TYRO3: variants seen among roughly 807,000 people sequenced by gnomAD.
TYRO3 encodes the protein TYRO3 protein tyrosine kinase.
TYRO3 carries 38 observed loss-of-function variants against 95.2 expected under a neutral mutation model. The observed-to-expected ratio is 0.40, with a 90% CI of 0.31 to 0.52. TYRO3 has a LOEUF of 0.52. Among genes scored for constraint, TYRO3 ranks in the 20% least tolerant of loss-of-function variants. The pLI is 0.56. For synonymous variants in TYRO3, 367 were observed against 432.9 expected, an observed-to-expected ratio of 0.85 and a Z score of 1.89; for missense variants, 812 against 1,116.4, an observed-to-expected ratio of 0.73 and a Z score of 3.89.
At chr15:41,565,482 C>G (rs1486693216) in intron 6 of TYRO3, among the ~76,000 whole-genome samples, 1 of 151,690 alleles carries the variant, frequency 6.6e-6, no homozygotes, top group Non-Finnish European at 1.5e-5. Flanking sequence ...CATCTCGGCT[C>G]ACTGCAACCT....
chr15:41,573,617 G>C, intron 17 of TYRO3, 62 bp from the exon 18 acceptor site: 1 of 1,449,810 alleles, frequency 6.9e-7, no homozygotes, highest in Non-Finnish European at 9.4e-7. Flanking sequence ...CAGAGCCATG[G>C]CTCTCTGCCT....
chr15:41,574,140 C>T (rs1595505589), intron 18 of TYRO3, among the ~76,000 whole-genome samples: 2 of 152,280 alleles, frequency 1.3e-5, no homozygotes, highest in South Asian at 2.1e-4. Flanking sequence ...TCTTCCCACC[C>T]GTCATTCCTT....
At chr15:41,560,110 G>C in intron 1 of TYRO3, among the ~76,000 whole-genome samples, 1 of 152,226 alleles carries the variant, frequency 6.6e-6, no homozygotes, top group East Asian at 1.9e-4. Flanking sequence ...AGGGTGAAGG[G>C]AGCAGGGAAG....
At chr15:41,571,555 A>T (rs1412210345) in intron 13 of TYRO3, 40 bp from the exon 14 acceptor site, 1 of 1,405,806 alleles carries the variant, frequency 7.1e-7, no homozygotes, top group Admixed American at 1.7e-5. Flanking sequence ...CTAGGGGCAC[A>T]TCTTGTTTTA....
At position 41,569,297 on chromosome 15, in the gene TYRO3, T is replaced by TAA. The variant is rs35205912; in HGVS notation, c.1252+292_1252+293dup. Among the ~76,000 whole-genome samples, 169 of 138,560 alleles carry TAA rather than the reference T, an allele frequency of 1.2e-3. 4 individuals carry two copies. The South Asian group carries it at 0.016, about 13-fold the overall frequency. The allele number at this position is 138,560 out of a possible 152,430, so 90.9% of individuals were successfully genotyped here. Reference sequence around the variant, plus strand: ...CAAGACTCTGTCTCTACAAAAAAATTAAAAAAAAAAAAAAAAAACAATTAG... The same window carrying TAA: ...CAAGACTCTGTCTCTACAAAAAAATTAAAAAAAAAAAAAAAAAAAACAATTAG... On this transcript the variant is annotated intron_variant, in intron 9 of 18. Transcript: ENST00000263798.
chr15:41,571,751 G>C, intron 14 of TYRO3, 64 bp downstream of exon 14: 1 of 778,318 alleles, frequency 1.3e-6, no homozygotes, highest in Non-Finnish European at 2.2e-6. Context: ...ACCAATATGA[G>C]ATGGCAGCCT....
At chr15:41,559,663 C>T (rs1416652977) in intron 1 of TYRO3, among the ~76,000 whole-genome samples, 1 of 152,164 alleles carries the variant, frequency 6.6e-6, no homozygotes, top group Non-Finnish European at 1.5e-5. Flanking sequence ...TTTGGGACTG[C>T]ATTTTCCCGC....
chr15:41,575,138 G>A (rs1365155518), intron 18 of TYRO3, among the ~76,000 whole-genome samples: 1 of 152,228 alleles, frequency 6.6e-6, no homozygotes, highest in African/African-American at 2.4e-5. Context: ...ACAGGCACAG[G>A]AAGGCTCAGC....
intron 6 of TYRO3, among the ~76,000 whole-genome samples, chr15:41,565,752 G>C (rs1469649592): frequency 1.3e-5 from 2 of 151,868 alleles, no homozygotes; most frequent in Non-Finnish European, 2.9e-5. Context: ...TTAGGTGAAA[G>C]CTCAAACCTT....
Position 41,561,116 on chromosome 15 carries a change from C to T in TYRO3, c.125-11C>T, listed in dbSNP as rs958625107. 6.2e-7 allele frequency: 1 copy of T among 1,613,930 alleles called. No individual in the cohort carries two copies. Among genetic ancestry groups the T allele is most frequent in the Non-Finnish European group, 8.5e-7 (1 of 1,179,928 alleles). On this transcript the variant is annotated splice_polypyrimidine_tract_variant and intron_variant, in intron 1 of 18. Transcript: ENST00000263798. ...TCTCAAGGCTGACACATGTTCCTTC[C>T]CACCCCTCAGGTCTGAAGCTCATGG...
chr15:41,563,968 C>A (rs371548867), intron 4 of TYRO3, among the ~76,000 whole-genome samples: 8 of 152,196 alleles, frequency 5.3e-5, no homozygotes, highest in African/African-American at 1.9e-4. Flanking sequence ...CTGATTCTCA[C>A]AATTCTCCCA....
chr15:41,570,910 T>A, intron 12 of TYRO3, 128 bp from the exon 13 acceptor site: 1 of 1,083,896 alleles, frequency 9.2e-7, no homozygotes, highest in South Asian at 1.4e-5. Context: ...CTTTGGCTAC[T>A]GGCAAGGGTG....
At chr15:41,562,806 C>A (rs553174598) in intron 4 of TYRO3, 88 bp downstream of exon 4, 1 of 1,348,252 alleles carries the variant, frequency 7.4e-7, no homozygotes, top group Non-Finnish European at 1.0e-6. Flanking sequence ...ACTGAGCTTG[C>A]GGTTGTGAGC....
intron 9 of TYRO3, among the ~76,000 whole-genome samples, chr15:41,569,240 CCGGCAGTTTG>C (rs2140827619): frequency 6.6e-6 from 1 of 151,226 alleles, no homozygotes; most frequent in Admixed American, 6.6e-5. Context: ...TCGCTTGAGG[CCGGCAGTTTG>C]AGACCAGCTC....
At chr15:41,570,984 T>C (rs1453840744) in intron 12 of TYRO3, 54 bp from the exon 13 acceptor site, 2 of 1,574,534 alleles carry the variant, frequency 1.3e-6, no homozygotes, top group Admixed American at 3.4e-5. Flanking sequence ...GGGAGGAAGG[T>C]TGGCAGGGAG....
intron 5 of TYRO3, among the ~76,000 whole-genome samples, 154 bp downstream of exon 5, chr15:41,564,424 T>C (rs1298785774): frequency 6.6e-6 from 1 of 152,130 alleles, no homozygotes. Context: ...CCATTCCTAG[T>C]GGGAGCACCT....
chr15:41,564,879 A>G (rs947192516), intron 5 of TYRO3, 147 bp from the exon 6 acceptor site: 6 of 632,888 alleles, frequency 9.5e-6, no homozygotes, highest in Admixed American at 9.0e-5. Flanking sequence ...TTATTTGTGT[A>G]CTACTGTGAT....
intron 8 of TYRO3, 84 bp downstream of exon 8, chr15:41,568,446 T>C (rs1456765029): frequency 2.1e-6 from 3 of 1,414,298 alleles, no homozygotes; most frequent in Non-Finnish European, 2.9e-6. Flanking sequence ...TCAAAATGAT[T>C]GTCTTTGGTG....
chr15:41,570,406 C>A, intron 11 of TYRO3, 66 bp downstream of exon 11: 1 of 1,549,448 alleles, frequency 6.5e-7, no homozygotes, highest in South Asian at 1.1e-5. Flanking sequence ...ATTCTTTTAC[C>A]AAATTATTAA....
Sources: gnomAD v4.1 joint callset for allele counts (sites outside exome capture counted in the v4.1 genomes callset) on GRCh38, gnomAD v4.1.1 for gene constraint, MANE v1.5 for transcripts, NCBI Gene and HGNC (gene_info 2026-07-23, HGNC 2026-07-21) for gene names.